Variants in PDGFC observed in about 807,000 individuals in gnomAD.
PDGFC encodes platelet-derived growth factor C.
PDGFC carries 12 observed loss-of-function variants against 35.5 expected under a neutral mutation model. The observed-to-expected ratio is 0.34, with a 90% CI of 0.22 to 0.55. The LOEUF (loss-of-function observed/expected upper bound fraction) is 0.55. Ranked by LOEUF, PDGFC falls within the 20% of genes least tolerant of loss-of-function variation. The pLI, the probability that PDGFC is intolerant of heterozygous loss-of-function variation, is 0.91. For missense variants in PDGFC, 322 were observed against 412.4 expected (o/e 0.78, Z 1.90); for synonymous variants, 159 against 148.8 (o/e 1.07, Z -0.50).
chr4:156,926,049 CAAAAAAAAAAAAA>C (rs397707839), intron 1 of PDGFC, among the ~76,000 whole-genome samples: 4 of 67,546 alleles, frequency 5.9e-5, no homozygotes, highest in South Asian at 1.6e-3. Flanking sequence ...AGATCTGTCT[CAAAAAAAAAAAAA>C]AAAAAAAAAA....
At chr4:156,822,006 T>G in intron 2 of PDGFC, among the ~76,000 whole-genome samples, 1 of 152,116 alleles carries the variant, frequency 6.6e-6, no homozygotes, top group South Asian at 2.1e-4. Context: ...AGGACCAATA[T>G]ACAAATATCA....
At chr4:156,880,419 A>T (rs13434924) in intron 1 of PDGFC, among the ~76,000 whole-genome samples, 6,981 of 152,188 alleles carry the variant, frequency 0.046, 523 homozygotes, top group African/African-American at 0.16. Context: ...TTTACTGAAG[A>T]TTTTAAACCC....
At chr4:156,764,669 A>T (rs1578994309) in intron 5 of PDGFC, among the ~76,000 whole-genome samples, 1 of 152,234 alleles carries the variant, frequency 6.6e-6, no homozygotes, top group East Asian at 1.9e-4. Context: ...TTCTAAAATA[A>T]AAATTACTTT....
intron 1 of PDGFC, among the ~76,000 whole-genome samples, chr4:156,966,265 T>C (rs925619825): frequency 1.3e-4 from 20 of 152,178 alleles, no homozygotes; most frequent in Admixed American, 5.2e-4. Flanking sequence ...CAGAGATTGC[T>C]TAATAAATGA....
intron 1 of PDGFC, among the ~76,000 whole-genome samples, chr4:156,869,948 T>C (rs1187974587): frequency 2.0e-5 from 3 of 151,956 alleles, no homozygotes; most frequent in Non-Finnish European, 4.4e-5. Flanking sequence ...TCTCATAATG[T>C]CAAATAGATA....
chr4:156,913,118 A>T (rs1370675096), intron 1 of PDGFC, among the ~76,000 whole-genome samples: 1 of 152,176 alleles, frequency 6.6e-6, no homozygotes, highest in Non-Finnish European at 1.5e-5. Flanking sequence ...AGTGAATGAC[A>T]TCCTGAAAGA....
intron 1 of PDGFC, among the ~76,000 whole-genome samples, chr4:156,886,154 A>G (rs1325472367): frequency 6.6e-6 from 1 of 152,216 alleles, no homozygotes; most frequent in Admixed American, 6.5e-5. Flanking sequence ...GTGGGGAATA[A>G]TAAGAAAAGG....
At chr4:156,940,615 T>C (rs1164483872) in intron 1 of PDGFC, among the ~76,000 whole-genome samples, 1 of 152,140 alleles carries the variant, frequency 6.6e-6, no homozygotes, top group Non-Finnish European at 1.5e-5. Flanking sequence ...TGTCTAAGGT[T>C]CTCAAAGTGT....
At chr4:156,962,786 G>A (rs1186366630) in intron 1 of PDGFC, among the ~76,000 whole-genome samples, 3 of 152,000 alleles carry the variant, frequency 2.0e-5, no homozygotes, top group Non-Finnish European at 2.9e-5. Context: ...AATACCTCAC[G>A]GAGAGTTTAT....
At chr4:156,882,588 A>G (rs1730269701) in intron 1 of PDGFC, among the ~76,000 whole-genome samples, 1 of 152,234 alleles carries the variant, frequency 6.6e-6, no homozygotes, top group African/African-American at 2.4e-5. Context: ...TAACACTTGT[A>G]AAGTAATTAT....
chr4:156,855,851 C>A (rs955096010), intron 1 of PDGFC, among the ~76,000 whole-genome samples: 7 of 152,102 alleles, frequency 4.6e-5, no homozygotes, highest in Non-Finnish European at 1.0e-4. Context: ...GACATATATA[C>A]ACATATAGTT....
chr4:156,861,821 T>C (rs1173332773), intron 1 of PDGFC, among the ~76,000 whole-genome samples: 1 of 152,178 alleles, frequency 6.6e-6, no homozygotes, highest in Non-Finnish European at 1.5e-5. Context: ...AGCTATTGAG[T>C]ATCTACTCAA....
chr4:156,859,475 T>C (rs774774159), intron 1 of PDGFC, among the ~76,000 whole-genome samples: 1 of 152,162 alleles, frequency 6.6e-6, no homozygotes, highest in Non-Finnish European at 1.5e-5. Context: ...TTGGAAGTTA[T>C]ATTTGTAGCA....
chr4:156,891,871 C>T (rs536114342), intron 1 of PDGFC, among the ~76,000 whole-genome samples: 28 of 152,274 alleles, frequency 1.8e-4, no homozygotes, highest in African/African-American at 6.5e-4. Flanking sequence ...TAAAAAGAAA[C>T]TTGCCATGGG....
At chr4:156,867,529 T>A (rs909008241) in intron 1 of PDGFC, among the ~76,000 whole-genome samples, 5 of 152,190 alleles carry the variant, frequency 3.3e-5, no homozygotes, top group African/African-American at 1.2e-4. Flanking sequence ...TATGTTAACA[T>A]CACCAAAGCC....
chr4:156,811,222 A>G (rs1407761877), intron 2 of PDGFC, among the ~76,000 whole-genome samples: 1 of 152,052 alleles, frequency 6.6e-6, no homozygotes, highest in Admixed American at 6.6e-5. Context: ...GTCTCTTTGG[A>G]GTCCTTAGTT....
chr4:156,932,266 T>C (rs1272725731), intron 1 of PDGFC, among the ~76,000 whole-genome samples: 1 of 152,124 alleles, frequency 6.6e-6, no homozygotes, highest in Non-Finnish European at 1.5e-5. Flanking sequence ...AAAGGAAGTA[T>C]AAACTCAGGA....
chr4:156,852,430 CTCT>C (rs1440517427), intron 1 of PDGFC, among the ~76,000 whole-genome samples: 2 of 152,080 alleles, frequency 1.3e-5, no homozygotes, highest in East Asian at 1.9e-4. Flanking sequence ...CTGCCATTTC[CTCT>C]TCTTCATTTA....
At chr4:156,925,755 A>G (rs201878954) in intron 1 of PDGFC, among the ~76,000 whole-genome samples, 258 of 151,208 alleles carry the variant, frequency 1.7e-3, no homozygotes, top group Middle Eastern at 3.4e-3. Context: ...AAAAAAAAAA[A>G]AGAGAGAGAC....
Sources: allele counts gnomAD v4.1 joint callset (sites outside exome capture counted in the v4.1 genomes callset), GRCh38; gene constraint gnomAD v4.1.1; transcripts MANE v1.5; gene names NCBI Gene and HGNC (gene_info 2026-07-23, HGNC 2026-07-21).